AMPH: variants seen among roughly 807,000 people sequenced by gnomAD.
AMPH encodes amphiphysin (Stiff-Mann syndrome with breast cancer 128kD autoantigen).
AMPH carries 49 observed loss-of-function variants against 99.1 expected under a neutral mutation model. The ratio of observed to expected loss-of-function variants is 0.49; its 90% CI spans 0.39 to 0.63. The LOEUF (loss-of-function observed/expected upper bound fraction) is 0.63, where lower values mean the gene tolerates loss of function less well. AMPH is among the 20% of genes least tolerant of loss of function. AMPH has a pLI of 0.00. For synonymous variants in AMPH, 314 were observed against 317.3 expected (o/e 0.99, Z 0.11); for missense variants, 759 against 863.4 (o/e 0.88, Z 1.52).
At chr7:38,623,604 ATG>A (rs1338207179) in intron 1 of AMPH, among the ~76,000 whole-genome samples, 1 of 152,164 alleles carries the variant, frequency 6.6e-6, no homozygotes, top group Non-Finnish European at 1.5e-5. Context: ...AAACCCCAAT[ATG>A]TCTCAGAGAT....
At chr7:38,626,365 G>C (rs1794242086) in intron 1 of AMPH, among the ~76,000 whole-genome samples, 1 of 152,130 alleles carries the variant, frequency 6.6e-6, no homozygotes, top group Non-Finnish European at 1.5e-5. Context: ...CAATGGAACA[G>C]AACAGAGACC....
intron 1 of AMPH, among the ~76,000 whole-genome samples, chr7:38,618,313 C>T (rs1793942395): frequency 6.6e-6 from 1 of 151,400 alleles, no homozygotes; most frequent in African/African-American, 2.4e-5. Flanking sequence ...GAGATCAAGA[C>T]CATCCTGGCT....
At chr7:38,475,246 G>A in intron 7 of AMPH, 85 bp downstream of exon 7, 2 of 879,298 alleles carry the variant, frequency 2.3e-6, no homozygotes, top group Non-Finnish European at 3.6e-6. Context: ...AAATGTCACA[G>A]TAATAATAAA....
chr7:38,439,048 G>A (rs1199229071), intron 11 of AMPH, among the ~76,000 whole-genome samples: 1 of 152,122 alleles, frequency 6.6e-6, no homozygotes, highest in Non-Finnish European at 1.5e-5. Flanking sequence ...TCTCACAATA[G>A]TGAATGAGTT....
intron 18 of AMPH, among the ~76,000 whole-genome samples, chr7:38,392,314 G>A (rs1210477912): frequency 6.6e-6 from 1 of 150,816 alleles, no homozygotes; most frequent in East Asian, 2.0e-4. Context: ...ACAGAGTCTT[G>A]AAGGGTGAGG....
At chr7:38,461,457 G>T in intron 10 of AMPH, 46 bp from the exon 11 acceptor site, 1 of 1,611,942 alleles carries the variant, frequency 6.2e-7, no homozygotes, top group East Asian at 2.2e-5. Flanking sequence ...AAGACAATGT[G>T]TCAGACACGA....
intron 1 of AMPH, among the ~76,000 whole-genome samples, chr7:38,625,709 A>C (rs1794217493): frequency 6.6e-6 from 1 of 152,242 alleles, no homozygotes; most frequent in Non-Finnish European, 1.5e-5. Flanking sequence ...AGTACATGTA[A>C]AGGTGCTCAT....
chr7:38,401,044 G>C (rs1230925822), intron 17 of AMPH, among the ~76,000 whole-genome samples: 1 of 152,036 alleles, frequency 6.6e-6, no homozygotes, highest in Non-Finnish European at 1.5e-5. Context: ...CATGAGTCAT[G>C]TTTCTGAGAA....
chr7:38,600,015 G>T (rs1793191879), intron 1 of AMPH, among the ~76,000 whole-genome samples: 1 of 151,830 alleles, frequency 6.6e-6, no homozygotes. Context: ...AAAGTTGTAA[G>T]CATCTTTAAG....
chr7:38,479,092 A>T (rs747401237), intron 5 of AMPH, among the ~76,000 whole-genome samples: 1 of 152,112 alleles, frequency 6.6e-6, no homozygotes, highest in Non-Finnish European at 1.5e-5. Flanking sequence ...TAATGAAGAC[A>T]TCAAAGTATA....
chr7:38,475,632 G>A (rs999911018), intron 6 of AMPH, among the ~76,000 whole-genome samples: 2 of 152,192 alleles, frequency 1.3e-5, no homozygotes, highest in Admixed American at 1.3e-4. Flanking sequence ...GGTTGCTCTT[G>A]CAGTTTCTGG....
intron 7 of AMPH, among the ~76,000 whole-genome samples, chr7:38,467,381 C>T (rs1384213954): frequency 6.6e-6 from 1 of 152,174 alleles, no homozygotes; most frequent in Non-Finnish European, 1.5e-5. Context: ...TGCAGAGGGA[C>T]CCCACTCGCA....
chr7:38,475,186 C>T, intron 7 of AMPH, 145 bp downstream of exon 7: 2 of 567,192 alleles, frequency 3.5e-6, no homozygotes, highest in Non-Finnish European at 3.1e-6. Flanking sequence ...TGACAAGTAG[C>T]TACCATACTG....
At chr7:38,457,588 G>T (rs138223255) in intron 11 of AMPH, among the ~76,000 whole-genome samples, 1 of 152,188 alleles carries the variant, frequency 6.6e-6, no homozygotes, top group Non-Finnish European at 1.5e-5. Context: ...TGAATTATTC[G>T]TGTCCTTGAG....
intron 1 of AMPH, among the ~76,000 whole-genome samples, chr7:38,610,012 A>G (rs1021820189): frequency 7.9e-5 from 12 of 151,310 alleles, no homozygotes; most frequent in African/African-American, 2.4e-4. Flanking sequence ...CCACCTGTAA[A>G]CCTCACCTGA....
intron 1 of AMPH, 136 bp from the exon 2 acceptor site, chr7:38,535,147 G>T: frequency 1.4e-6 from 1 of 691,234 alleles, no homozygotes; most frequent in Non-Finnish European, 2.4e-6. Context: ...TAATTTTTCT[G>T]TTCTGGAAGC....
chr7:38,625,147 A>G (rs1174222893), intron 1 of AMPH, among the ~76,000 whole-genome samples: 1 of 152,164 alleles, frequency 6.6e-6, no homozygotes, highest in Admixed American at 6.5e-5. Context: ...TTGAGATTTC[A>G]GGTCCATTCC....
chr7:38,588,937 C>T (rs1792760529), intron 1 of AMPH, among the ~76,000 whole-genome samples: 2 of 152,060 alleles, frequency 1.3e-5, no homozygotes, highest in Admixed American at 1.3e-4. Context: ...CTCCTGCCCC[C>T]AAACAACCAC....
At chr7:38,538,403 T>C (rs1205380283) in intron 1 of AMPH, among the ~76,000 whole-genome samples, 3 of 152,184 alleles carry the variant, frequency 2.0e-5, no homozygotes, top group Admixed American at 2.0e-4. Context: ...CTGTGATCTT[T>C]CAATAGTATT....
Sources: gnomAD v4.1 joint callset for allele counts (sites outside exome capture counted in the v4.1 genomes callset) on GRCh38, gnomAD v4.1.1 for gene constraint, MANE v1.5 for transcripts, NCBI Gene and HGNC (gene_info 2026-07-23, HGNC 2026-07-21) for gene names.